Variants in MEF2C observed in about 807,000 individuals in gnomAD.
MEF2C encodes the protein myocyte enhancer factor 2C.
MEF2C carries 6 observed loss-of-function variants against 50.5 expected under a neutral mutation model. The ratio of observed to expected loss-of-function variants is 0.12; its 90% confidence interval spans 0.07 to 0.23. The LOEUF is 0.23. Among genes scored for constraint, MEF2C ranks in the 10% least tolerant of loss-of-function variants. The pLI is 1.00. For missense variants in MEF2C, 276 were observed against 605.0 expected (o/e 0.46, Z 5.70); for synonymous variants, 183 against 228.0 (o/e 0.80, Z 1.78).
Position 88,804,708 on chromosome 5 carries a change from T to C in MEF2C, c.148A>G (p.Ser50Gly), listed in dbSNP as rs1156748158. ...GCATACTGGAACAGCTTGTTGGTGCTGTTGAAGATGATCAGCGCAATCTCA... is the reference window on the plus strand; with the variant it reads ...GCATACTGGAACAGCTTGTTGGTGCCGTTGAAGATGATCAGCGCAATCTCA... ...DCEIALIIFN[S>G]TNKLFQYAST... Residue 50 changes from serine (S) to glycine (G), a missense_variant, in exon 3 of 11, where the codon AGC (serine) becomes GGC (glycine). Ser to Gly is a moderately conservative substitution (Grantham distance 56). This residue lies in a region of MEF2C where 20 missense variants were observed against 136.9 expected (regional missense o/e 0.15). Transcript: ENST00000504921. 5 of 1,614,188 alleles carry C rather than the reference T, an allele frequency of 3.1e-6. No individual in the cohort carries two copies. Among genetic ancestry groups the C allele is most frequent in the Non-Finnish European group, 4.2e-6 (5 of 1,180,018 alleles).
chr5:88,892,096 C>T (rs966228883), intron 1 of MEF2C: 7 of 151,840 alleles, frequency 4.6e-5, no homozygotes, highest in Non-Finnish European at 7.4e-5. Flanking sequence ...TTACCATTTG[C>T]GTGTGGTTCA....
intron 1 of MEF2C, among the ~76,000 whole-genome samples, chr5:88,836,956 G>A (rs766975897): frequency 1.0e-4 from 14 of 138,246 alleles, no homozygotes; most frequent in South Asian, 4.5e-4. Context: ...TCCCCAAAGT[G>A]GATTCCAGAG....
chr5:88,870,998 C>A (rs1431040561), intron 1 of MEF2C, among the ~76,000 whole-genome samples: 1 of 152,054 alleles, frequency 6.6e-6, no homozygotes, highest in African/African-American at 2.4e-5. Flanking sequence ...TTATGCTGAT[C>A]AACCACAGTA....
At chr5:88,731,545 A>C (rs1293471941) in intron 7 of MEF2C, 184 bp downstream of exon 7, 3 of 565,920 alleles carry the variant, frequency 5.3e-6, no homozygotes, top group Admixed American at 3.0e-5. Context: ...TTTTACACGG[A>C]AAAGGGAAAT....
chr5:88,845,931 TA>T (rs764715708), intron 1 of MEF2C, among the ~76,000 whole-genome samples: 24 of 152,098 alleles, frequency 1.6e-4, no homozygotes, highest in Admixed American at 2.6e-4. Flanking sequence ...AAATACATAA[TA>T]AAAGATTTTT....
At chr5:88,852,608 C>T (rs571934492) in intron 1 of MEF2C, among the ~76,000 whole-genome samples, 3 of 152,160 alleles carry the variant, frequency 2.0e-5, no homozygotes, top group Admixed American at 6.5e-5. Context: ...CGGTGGCTCA[C>T]GCCTGTAATC....
At chr5:88,784,912 C>A (rs1225499001) in intron 3 of MEF2C, among the ~76,000 whole-genome samples, 1 of 152,008 alleles carries the variant, frequency 6.6e-6, no homozygotes, top group Non-Finnish European at 1.5e-5. Flanking sequence ...ACAATTACAC[C>A]CTGTATGCTG....
intron 1 of MEF2C, among the ~76,000 whole-genome samples, chr5:88,837,144 C>G (rs1297192998): frequency 6.6e-6 from 1 of 151,996 alleles, no homozygotes; most frequent in East Asian, 1.9e-4. Flanking sequence ...TCAGATATCC[C>G]TTGGAAATGC....
chr5:88,865,846 T>C (rs1056263341), intron 1 of MEF2C, among the ~76,000 whole-genome samples: 7 of 152,082 alleles, frequency 4.6e-5, no homozygotes, highest in African/African-American at 1.7e-4. Flanking sequence ...AATCAATTAA[T>C]TCCAAATAAC....
upstream of MEF2C, among the ~76,000 whole-genome samples, chr5:88,885,151 C>T (rs1833944153): frequency 6.6e-6 from 1 of 152,094 alleles, no homozygotes; most frequent in South Asian, 2.1e-4. Flanking sequence ...GTTGTATTTC[C>T]TGTTAAGTTC....
chr5:88,902,776 C>T (rs2150349083), intron 1 of MEF2C, among the ~76,000 whole-genome samples: 1 of 151,580 alleles, frequency 6.6e-6, no homozygotes, highest in South Asian at 2.1e-4. Context: ...CTTTCTTAAG[C>T]ACCAATTCTA....
intron 1 of MEF2C, chr5:88,877,820 C>T (rs758865102): frequency 6.6e-6 from 1 of 151,788 alleles, no homozygotes; most frequent in Non-Finnish European, 1.5e-5. Flanking sequence ...TTTCAGTATT[C>T]AGTTTAAGAT....
At chr5:88,771,069 C>A (rs1161777172) in intron 3 of MEF2C, among the ~76,000 whole-genome samples, 1 of 152,216 alleles carries the variant, frequency 6.6e-6, no homozygotes, top group Non-Finnish European at 1.5e-5. Context: ...TGCGGGGGAA[C>A]CCCCATTTAT....
rs1302178941 is a variant in MEF2C, at chr5:88,823,808, T to C, written c.-20A>G. 1 of 1,606,898 alleles carries C rather than the reference T, an allele frequency of 6.2e-7. No homozygotes were observed. Among genetic ancestry groups the C allele is most frequent in the East Asian group, 2.2e-5 (1 of 44,662 alleles). ...CCCCATAGTCCCCGTTTTTCTTCTCTCTCTCGTCCCTGAAATTATGTATTT... is the reference window on the plus strand; with the variant it reads ...CCCCATAGTCCCCGTTTTTCTTCTCCCTCTCGTCCCTGAAATTATGTATTT... On this transcript the variant is annotated 5_prime_UTR_variant, in exon 2 of 11. Transcript: ENST00000504921.
At chr5:88,846,704 T>C (rs540505596) in intron 1 of MEF2C, among the ~76,000 whole-genome samples, 1 of 152,278 alleles carries the variant, frequency 6.6e-6, no homozygotes, top group African/African-American at 2.4e-5. Flanking sequence ...GGAGCTGCCT[T>C]CTTCTTTTTT....
At chr5:88,825,446 G>T in intron 1 of MEF2C, 1 of 971,648 alleles carries the variant, frequency 1.0e-6, no homozygotes, top group Non-Finnish European at 1.2e-6. Flanking sequence ...GTAACATTAT[G>T]ACCACACAGT....
intron 3 of MEF2C, among the ~76,000 whole-genome samples, chr5:88,777,325 G>A (rs752903551): frequency 3.3e-5 from 5 of 152,034 alleles, no homozygotes; most frequent in Non-Finnish European, 7.4e-5. Flanking sequence ...GCATGTACAT[G>A]TGCCAGGGAC....
In MEF2C at chr5:88,722,487, AC is replaced by A. The variant is rs1756642307; in HGVS notation, c.*116del. ...GTACTTTTACAAAACAGAGTACCTG[AC>A]TTTTTTTTTTTCCACACACGGCACA... On this transcript the variant is annotated 3_prime_UTR_variant, in exon 11 of 11. Coordinates refer to ENST00000504921, the MANE Select transcript of MEF2C (RefSeq NM_002397.5). The A allele has an allele frequency of 4.5e-6, 4 of 885,722 alleles. No homozygotes were observed. The highest frequency in any genetic ancestry group is 6.9e-6 in the Non-Finnish European group (4 of 576,222). The allele number at this position is 885,722 out of a possible 1,614,324, so 54.9% of individuals were successfully genotyped here. A position where few individuals can be genotyped will look rare whatever the true frequency, so the allele number is the denominator to read the frequency against.
upstream of MEF2C, among the ~76,000 whole-genome samples, chr5:88,885,475 T>G (rs548714116): frequency 6.6e-6 from 1 of 152,346 alleles, no homozygotes; most frequent in East Asian, 1.9e-4. Context: ...AATAGTAGTA[T>G]TTCTTGCAGA....
Sources: gnomAD v4.1 joint callset for allele counts (sites outside exome capture counted in the v4.1 genomes callset) on GRCh38, gnomAD v4.1.1 for gene constraint, gnomAD v4.1.1 regional missense constraint, MANE v1.5 for transcripts, NCBI Gene and HGNC (gene_info 2026-07-23, HGNC 2026-07-21) for gene names.